RGS6: variants seen among roughly 807,000 people sequenced by gnomAD.
The protein encoded by RGS6 is regulator of G protein signaling 6.
In RGS6, 30 loss-of-function variants were observed where a neutral mutation model predicts 78.5. That is an observed-to-expected ratio of 0.38 (90% CI 0.29 to 0.52). The LOEUF is 0.52. Among genes scored for constraint, RGS6 ranks in the 20% least tolerant of loss-of-function variants. RGS6 has a pLI of 0.85. For synonymous variants in RGS6, 206 were observed against 206.0 expected, an observed-to-expected ratio of 1.00 and a Z score of 0.00; for missense variants, 495 against 609.7, an observed-to-expected ratio of 0.81 and a Z score of 1.98.
the RGS6 span, among the ~76,000 whole-genome samples, chr14:71,875,974 C>T: frequency 6.6e-6 from 1 of 152,144 alleles, no homozygotes; most frequent in Non-Finnish European, 1.5e-5. Flanking sequence ...TTTGTTAATC[C>T]TGAGTTCTAG....
the RGS6 span, among the ~76,000 whole-genome samples, chr14:72,616,136 A>G: frequency 6.6e-6 from 1 of 152,218 alleles, no homozygotes; most frequent in Non-Finnish European, 1.5e-5. Context: ...TGCAAAGACC[A>G]TGCTGGATAG....
chr14:71,896,914 A>G, the RGS6 span, among the ~76,000 whole-genome samples: 1 of 152,242 alleles, frequency 6.6e-6, no homozygotes, highest in Non-Finnish European at 1.5e-5. Flanking sequence ...AGTGGCAGCT[A>G]TCAGAAAGAG....
chr14:71,904,380 C>A, the RGS6 span, among the ~76,000 whole-genome samples: 214 of 152,292 alleles, frequency 1.4e-3, 1 homozygote, highest in Non-Finnish European at 2.4e-3. Flanking sequence ...GTAGCCCTGG[C>A]TTTTTTCTTC....
chr14:72,186,752 C>A (rs2153709120), intron 2 of RGS6, among the ~76,000 whole-genome samples: 1 of 152,202 alleles, frequency 6.6e-6, no homozygotes, highest in Middle Eastern at 3.4e-3. Flanking sequence ...TGTCCAAGTG[C>A]CTAGCTACTA....
chr14:72,227,837 G>A (rs1402556204), intron 2 of RGS6, among the ~76,000 whole-genome samples: 1 of 152,174 alleles, frequency 6.6e-6, no homozygotes, highest in Non-Finnish European at 1.5e-5. Flanking sequence ...GCTGTGGCTT[G>A]GTATGTTTGG....
chr14:72,408,421 G>A (rs2093128638), intron 3 of RGS6, among the ~76,000 whole-genome samples: 2 of 152,144 alleles, frequency 1.3e-5, no homozygotes, highest in Admixed American at 1.3e-4. Context: ...TGAGATTTCA[G>A]TGCCTTTGTT....
intron 3 of RGS6, among the ~76,000 whole-genome samples, chr14:72,370,455 C>G (rs1481771462): frequency 6.6e-6 from 1 of 152,150 alleles, no homozygotes; most frequent in Non-Finnish European, 1.5e-5. Context: ...CCATGGTCAG[C>G]AGCTGTGGGC....
Position 72,331,248 on chromosome 14 carries a change from C to CAAAA in RGS6, c.85-20832_85-20829dup, listed in dbSNP as rs55899915. Among the ~76,000 whole-genome samples, 6 of 128,632 alleles carry CAAAA rather than the reference C, an allele frequency of 4.7e-5. No individual in the cohort carries two copies. The Admixed American group carries it at 4.7e-4, about 10-fold the overall frequency. The allele number at this position is 128,632 out of a possible 152,430, so 84.4% of individuals were successfully genotyped here. A position where few individuals can be genotyped will look rare whatever the true frequency, so the allele number is the denominator to read the frequency against. ...CCGAGCTTAAAACCACCCTGTCGTT[C>CAAAA]AAAAAAAAAAAAAAAAAATGAGCTA... is the stretch of plus-strand genomic sequence containing the variant. On this transcript the variant is annotated intron_variant, in intron 2 of 17. Coordinates refer to ENST00000553525, the MANE Select transcript of RGS6 (RefSeq NM_001204424.2).
intron 3 of RGS6, among the ~76,000 whole-genome samples, chr14:72,431,191 C>T (rs1382994160): frequency 6.6e-6 from 1 of 152,166 alleles, no homozygotes; most frequent in African/African-American, 2.4e-5. Flanking sequence ...GACCAGATGC[C>T]TGCTCTGTGT....
chr14:72,070,854 G>T (rs1245671557), intron 2 of RGS6, among the ~76,000 whole-genome samples: 1 of 152,192 alleles, frequency 6.6e-6, no homozygotes, highest in Non-Finnish European at 1.5e-5. Flanking sequence ...TTGTATGTAT[G>T]TATGCATGTG....
intron 2 of RGS6, among the ~76,000 whole-genome samples, chr14:72,156,257 C>A (rs756898669): frequency 4.0e-5 from 6 of 151,892 alleles, no homozygotes; most frequent in Non-Finnish European, 8.8e-5. Context: ...ACAGCCTGGC[C>A]AACATGGTGA....
chr14:72,067,819 C>T (rs1257492883), intron 2 of RGS6, among the ~76,000 whole-genome samples: 2 of 152,116 alleles, frequency 1.3e-5, no homozygotes, highest in Non-Finnish European at 2.9e-5. Flanking sequence ...TCTGTGTTTA[C>T]CAACGCTGTA....
chr14:72,346,845 C>T (rs917891249), intron 2 of RGS6, among the ~76,000 whole-genome samples: 2 of 152,190 alleles, frequency 1.3e-5, no homozygotes, highest in African/African-American at 4.8e-5. Context: ...CCTCACTCCT[C>T]TCGCACACTC....
chr14:72,128,789 C>G (rs1216564828), intron 2 of RGS6, among the ~76,000 whole-genome samples: 1 of 152,144 alleles, frequency 6.6e-6, no homozygotes, highest in East Asian at 1.9e-4. Context: ...GCCTGGAGTC[C>G]TTCAGATCCC....
chr14:72,501,486 G>C (rs1275604852), intron 13 of RGS6, among the ~76,000 whole-genome samples: 1 of 152,086 alleles, frequency 6.6e-6, no homozygotes, highest in Non-Finnish European at 1.5e-5. Flanking sequence ...CTCCACTCCC[G>C]CCTGGGTGAC....
the RGS6 span, among the ~76,000 whole-genome samples, chr14:72,595,286 T>C: frequency 6.6e-6 from 1 of 152,070 alleles, no homozygotes; most frequent in Non-Finnish European, 1.5e-5. Flanking sequence ...AATACACCGG[T>C]TCAGTGTATT....
chr14:72,427,723 T>C (rs553565112), intron 3 of RGS6, among the ~76,000 whole-genome samples: 15 of 152,340 alleles, frequency 9.8e-5, no homozygotes, highest in African/African-American at 3.6e-4. Flanking sequence ...TTATCCTTGG[T>C]GACACCATTA....
At chr14:72,499,386 T>G (rs534186783) in intron 13 of RGS6, among the ~76,000 whole-genome samples, 6 of 152,330 alleles carry the variant, frequency 3.9e-5, no homozygotes, top group Admixed American at 2.6e-4. Flanking sequence ...TCCATGTTCC[T>G]GAGTTGCTTC....
chr14:72,456,994 G>A (rs2095647432), intron 4 of RGS6, among the ~76,000 whole-genome samples: 1 of 147,398 alleles, frequency 6.8e-6, no homozygotes, highest in African/African-American at 2.5e-5. Flanking sequence ...TGGGGCAGAA[G>A]TATCACTTGA....
Sources: allele counts gnomAD v4.1 joint callset (sites outside exome capture counted in the v4.1 genomes callset), GRCh38; gene constraint gnomAD v4.1.1; transcripts MANE v1.5; gene names NCBI Gene and HGNC (gene_info 2026-07-23, HGNC 2026-07-21).